EPS8: variants seen among roughly 807,000 people sequenced by gnomAD.
EPS8 encodes EGFR pathway substrate 8, signaling adaptor.
A neutral mutation model predicts 103.8 loss-of-function variants in EPS8; 42 were observed. That is an observed-to-expected ratio of 0.40 (90% CI 0.32 to 0.52). The LOEUF (loss-of-function observed/expected upper bound fraction) is 0.52. EPS8 is among the 20% of genes least tolerant of loss of function. The probability of loss-of-function intolerance (pLI) is 0.40; values close to 1 mark genes in which losing one functional copy is unlikely to be tolerated. For synonymous variants in EPS8, 344 were observed against 344.6 expected (o/e 1.00, Z 0.02); for missense variants, 969 against 1,005.1 (o/e 0.96, Z 0.49).
rs1946330018 is a variant in EPS8, at chr12:15,702,928, A to G, written c.-21-19956T>C. On this transcript the variant is annotated intron_variant, in intron 1 of 20. Transcript: ENST00000281172. This position sits in a 1 kb window ranked among gnomAD's most constrained non-coding sequence, Gnocchi z 5.1. Reference sequence around the variant, plus strand: ...CACTTTGGGAGGCCGAGGTGGGTGGATCACAAGGTCAGGAGATTGAGACCA... The same window carrying G: ...CACTTTGGGAGGCCGAGGTGGGTGGGTCACAAGGTCAGGAGATTGAGACCA... Among the ~76,000 whole-genome samples, 1 of 152,154 alleles carries G rather than the reference A, an allele frequency of 6.6e-6. No homozygotes were observed. The highest frequency in any genetic ancestry group is 2.4e-5 in the African/African-American group (1 of 41,448).
chr12:15,754,246 AAG>A (rs1485199410), intron 1 of EPS8, among the ~76,000 whole-genome samples: 1 of 152,148 alleles, frequency 6.6e-6, no homozygotes, highest in African/African-American at 2.4e-5. Context: ...AAAAAAAAAA[AAG>A]AGTTTAAATG....
In EPS8 at chr12:15,620,561, A is replaced by T. The variant is rs1421917933; in HGVS notation, c.*756T>A. 6.6e-6 allele frequency: 1 copy of T among 152,666 alleles called. No homozygotes were observed. The highest frequency in any genetic ancestry group is 1.5e-5 in the Non-Finnish European group (1 of 68,054). 9.5% of individuals were successfully genotyped at this position (152,666 alleles called of 1,614,324 possible). A position where few individuals can be genotyped will look rare whatever the true frequency, so the allele number is the denominator to read the frequency against. On this transcript the variant is annotated 3_prime_UTR_variant, in exon 21 of 21. Coordinates refer to ENST00000281172, the MANE Select transcript of EPS8 (RefSeq NM_004447.6). ...AAAATACTGTAATGCACACCAATGC[A>T]GACTACTTCCTTTGCTAGATTTTGA... is the stretch of plus-strand genomic sequence containing the variant.
chr12:15,663,948 A>AATATATAT (rs58743830), intron 8 of EPS8, among the ~76,000 whole-genome samples: 3 of 49,406 alleles, frequency 6.1e-5, no homozygotes, highest in Admixed American at 3.0e-4. Flanking sequence ...AAAAAAAAAT[A>AATATATAT]ATATATATAT....
At chr12:15,710,658 G>T (rs541273354) in intron 1 of EPS8, among the ~76,000 whole-genome samples, 9 of 152,028 alleles carry the variant, frequency 5.9e-5, no homozygotes, top group Non-Finnish European at 8.8e-5. Flanking sequence ...TCTTCATGTA[G>T]CTGGAAAGTC....
chr12:15,732,505 G>T (rs1000317891), intron 1 of EPS8, among the ~76,000 whole-genome samples: 8 of 152,108 alleles, frequency 5.3e-5, no homozygotes, highest in Admixed American at 2.6e-4. Flanking sequence ...AACATTTAAG[G>T]CTCAGAGAGC....
rs2136044974 is a variant in EPS8 at position 15,772,631 on chromosome 12, AG to A, written c.-22+16529del. 6.6e-6 allele frequency among the ~76,000 whole-genome samples: 1 copy of A among 152,334 alleles called. No homozygotes were observed. The highest frequency in any genetic ancestry group is 1.9e-4 in the East Asian group (1 of 5,188). ...TAGAACTTACTTGAGAGTTTCACTT[AG>A]GAAGAATTTTGGATACCTATTCCAT... On this transcript the variant is annotated intron_variant, in intron 1 of 20. Transcript: ENST00000281172. This position sits in a 1 kb window ranked among gnomAD's most constrained non-coding sequence, Gnocchi z 5.0.
At chr12:15,691,860 C>T (rs550278049) in intron 1 of EPS8, among the ~76,000 whole-genome samples, 2 of 152,146 alleles carry the variant, frequency 1.3e-5, no homozygotes, top group Non-Finnish European at 2.9e-5. Flanking sequence ...CCCCCCAACT[C>T]TTAGTGATCC....
chr12:15,720,087 C>T (rs7955440), intron 1 of EPS8, among the ~76,000 whole-genome samples: 4,798 of 152,206 alleles, frequency 0.032, 260 homozygotes, highest in African/African-American at 0.11. Flanking sequence ...TACTTTAAGG[C>T]TATACAACTT....
At chr12:15,692,265 T>A (rs1946183093) in intron 1 of EPS8, among the ~76,000 whole-genome samples, 1 of 151,988 alleles carries the variant, frequency 6.6e-6, no homozygotes, top group African/African-American at 2.4e-5. Flanking sequence ...ATTTTACCTT[T>A]ACACATGATG....
Position 15,757,441 on chromosome 12 carries a change from C to T in EPS8, c.-22+31720G>A, listed in dbSNP as rs1378692761. On this transcript the variant is annotated intron_variant, in intron 1 of 20. Transcript: ENST00000281172. This position sits in a 1 kb window ranked among gnomAD's most constrained non-coding sequence, Gnocchi z 4.1. ...GTCAGGAGATCGAGACCATCCTGGC[C>T]AACACGGTGAAACCTCATCTCTACT... 2.0e-5 allele frequency among the ~76,000 whole-genome samples: 3 copies of T among 151,984 alleles called. No homozygotes were observed. Among genetic ancestry groups the T allele is most frequent in the Non-Finnish European group, 4.4e-5 (3 of 67,984 alleles).
At chr12:15,626,847 C>T (rs1430461790) in intron 18 of EPS8, among the ~76,000 whole-genome samples, 2 of 152,062 alleles carry the variant, frequency 1.3e-5, no homozygotes, top group Non-Finnish European at 2.9e-5. Context: ...GTCTGGAATG[C>T]TTTCCCCCGC....
At chr12:15,651,973 T>C (rs1319402859) in intron 13 of EPS8, among the ~76,000 whole-genome samples, 1 of 152,148 alleles carries the variant, frequency 6.6e-6, no homozygotes, top group Non-Finnish European at 1.5e-5. Context: ...GATAGAACCC[T>C]AAACAAAGAA....
Position 15,684,983 on chromosome 12 carries a change from G to T in EPS8, c.-21-2011C>A, listed in dbSNP as rs943142440. On this transcript the variant is annotated intron_variant, in intron 1 of 20. Transcript: ENST00000281172. The surrounding 1 kb of genome is among the most constrained non-coding windows in gnomAD (Gnocchi z 4.9). ...AATTCTCAGGGTGGGACAAGGCAGA[G>T]GGCCTGATTTGTAGTGCTTATTGTT... Among the ~76,000 whole-genome samples the T allele has an allele frequency of 6.6e-6, 1 of 152,168 alleles. No homozygotes were observed. The highest frequency in any genetic ancestry group is 2.4e-5 in the African/African-American group (1 of 41,436).
chr12:15,783,433 C>T (rs996198792), intron 1 of EPS8, among the ~76,000 whole-genome samples: 31 of 152,170 alleles, frequency 2.0e-4, no homozygotes, highest in African/African-American at 7.0e-4. Context: ...GTCAGTGAGT[C>T]TAACCGCTGC....
At position 15,689,135 on chromosome 12, in the gene EPS8, CT is replaced by C. The variant is rs145792961; in HGVS notation, c.-21-6164del. ...ACTCTGATCTGACTGACTTATATCC[CT>C]TTTTTTTTTTCAGTAAGTTACACCA... On this transcript the variant is annotated intron_variant, in intron 1 of 20. Transcript: ENST00000281172. Among the ~76,000 whole-genome samples, 709 of 146,678 alleles carry C rather than the reference CT, an allele frequency of 4.8e-3. 5 individuals are homozygous for C. The highest frequency in any genetic ancestry group is 0.016 in the African/African-American group (632 of 40,166).
chr12:15,679,236 C>G (rs904504958), intron 3 of EPS8, among the ~76,000 whole-genome samples: 1 of 152,186 alleles, frequency 6.6e-6, no homozygotes, highest in Non-Finnish European at 1.5e-5. Flanking sequence ...CAGAACAAAT[C>G]TGACCTATTA....
chr12:15,782,901 A>G (rs2136056917), intron 1 of EPS8, among the ~76,000 whole-genome samples: 1 of 152,298 alleles, frequency 6.6e-6, no homozygotes, highest in Non-Finnish European at 1.5e-5. Context: ...TCTCTGCGTG[A>G]GCAGTTCATC....
rs1025622113 is a variant in EPS8 at position 15,621,018 on chromosome 12, A to G, written c.*299T>C. ...GAATAACTCCACCACTATCAAAACA[A>G]TTCCTGTTTATACCCTGGGATGGGG... On this transcript the variant is annotated 3_prime_UTR_variant, in exon 21 of 21. Transcript: ENST00000281172. The G allele has an allele frequency of 1.6e-5, 4 of 254,472 alleles. No homozygotes were observed. The highest frequency in any genetic ancestry group is 9.1e-5 in the African/African-American group (4 of 44,026). The allele number at this position is 254,472 out of a possible 1,614,324, so 15.8% of individuals were successfully genotyped here.
At chr12:15,743,018 G>A (rs573614973) in intron 1 of EPS8, among the ~76,000 whole-genome samples, 175 of 152,248 alleles carry the variant, frequency 1.1e-3, no homozygotes, top group Admixed American at 8.0e-3. Context: ...AAACCCCATC[G>A]TCTCAGCCCA....
Sources: allele counts gnomAD v4.1 joint callset (sites outside exome capture counted in the v4.1 genomes callset), GRCh38; gene constraint gnomAD v4.1.1; non-coding constraint Gnocchi (gnomAD v3.1); transcripts MANE v1.5; gene names NCBI Gene and HGNC (gene_info 2026-07-23, HGNC 2026-07-21).